The following PITPNC1 variants were observed in gnomAD, a reference collection of about 807,000 sequenced individuals.
PITPNC1 encodes cytoplasmic phosphatidylinositol transfer protein 1.
Under a neutral mutation model 44.7 loss-of-function variants are expected in PITPNC1, and 18 were observed. That is an observed-to-expected ratio of 0.40 (90% CI 0.28 to 0.60). PITPNC1 has a LOEUF of 0.60. Among genes scored for constraint, PITPNC1 ranks in the 20% least tolerant of loss-of-function variants. PITPNC1 has a pLI of 0.39. For missense variants in PITPNC1, 290 were observed against 418.4 expected (o/e 0.69, Z 2.68); for synonymous variants, 141 against 149.6 (o/e 0.94, Z 0.42).
intron 1 of PITPNC1, among the ~76,000 whole-genome samples, chr17:67,474,923 G>A (rs1240461026): frequency 6.6e-6 from 1 of 152,114 alleles, no homozygotes; most frequent in Non-Finnish European, 1.5e-5. Context: ...CAAAGTGTTG[G>A]GATTATAGGC....
At position 67,668,407 on chromosome 17, in the gene PITPNC1, C is replaced by T. The variant is rs552483036; in HGVS notation, c.463-1101C>T. On this transcript the variant is annotated intron_variant, in intron 6 of 8. Transcript: ENST00000581322. ...TGCTTATGAACATTTGGACTGTTTC[C>T]AGTTTTTGCCTCCTGTATTTAAAGC... Among the ~76,000 whole-genome samples the T allele has an allele frequency of 3.3e-5, 5 of 152,228 alleles. No homozygotes were observed. In the East Asian group the frequency reaches 9.6e-4, roughly 29 times the overall value.
intron 1 of PITPNC1, chr17:67,379,111 C>T (rs2037917981): frequency 4.1e-6 from 4 of 985,898 alleles, no homozygotes; most frequent in Non-Finnish European, 4.8e-6. Context: ...GTGGTGATTC[C>T]ACGACTGCTG....
intron 1 of PITPNC1, among the ~76,000 whole-genome samples, chr17:67,505,881 T>C (rs1419981040): frequency 1.3e-5 from 2 of 152,208 alleles, no homozygotes; most frequent in Non-Finnish European, 2.9e-5. Flanking sequence ...GGAGTAACTC[T>C]CTTTTCCCTC....
chr17:67,461,111 T>A (rs2039331820), intron 1 of PITPNC1, among the ~76,000 whole-genome samples: 1 of 152,144 alleles, frequency 6.6e-6, no homozygotes, highest in Admixed American at 6.5e-5. Flanking sequence ...CTCCTTTCTT[T>A]TCTCTCCATC....
In PITPNC1 at chr17:67,693,106, G is replaced by A. The variant is rs2042959180; in HGVS notation, c.*218G>A. On this transcript the variant is annotated 3_prime_UTR_variant, in exon 9 of 9. Transcript: ENST00000581322. ...TAAGATGTAAGACTTGCAAAGGACA[G>A]AAGGAATCTTCTGTAACCACATAGC... 2 of 519,262 alleles carry A rather than the reference G, an allele frequency of 3.9e-6. No individual in the cohort carries two copies. Among genetic ancestry groups the A allele is most frequent in the Admixed American group, 3.6e-5 (1 of 27,444 alleles). The allele number at this position is 519,262 out of a possible 1,614,324, so 32.2% of individuals were successfully genotyped here.
chr17:67,550,720 G>A (rs2040749397), intron 2 of PITPNC1, among the ~76,000 whole-genome samples: 1 of 152,042 alleles, frequency 6.6e-6, no homozygotes, highest in Non-Finnish European at 1.5e-5. Context: ...AGTAGCAAAT[G>A]GTAGCCTCTG....
intron 5 of PITPNC1, among the ~76,000 whole-genome samples, chr17:67,610,919 CAAAAAA>C (rs35933545): frequency 1.2e-5 from 1 of 81,360 alleles, no homozygotes; most frequent in African/African-American, 4.5e-5. Context: ...GACTCTGTCT[CAAAAAA>C]AAAAAAAAAA....
chr17:67,533,292 C>T (rs559107191), intron 2 of PITPNC1, among the ~76,000 whole-genome samples: 5 of 152,184 alleles, frequency 3.3e-5, no homozygotes, highest in Non-Finnish European at 5.9e-5. Flanking sequence ...ATAAAATAAA[C>T]GAAATGAATC....
At chr17:67,463,840 G>A (rs2143981055) in intron 1 of PITPNC1, among the ~76,000 whole-genome samples, 1 of 152,104 alleles carries the variant, frequency 6.6e-6, no homozygotes, top group East Asian at 1.9e-4. Context: ...CCGAAAGGCA[G>A]AGCTTGCAGC....
At chr17:67,381,622 G>A (rs1166041469) in intron 1 of PITPNC1, among the ~76,000 whole-genome samples, 9 of 151,784 alleles carry the variant, frequency 5.9e-5, no homozygotes, top group East Asian at 5.9e-4. Context: ...GCCAGCCACC[G>A]CACCCTGCTA....
chr17:67,410,518 G>A (rs2038479260), intron 1 of PITPNC1, among the ~76,000 whole-genome samples: 1 of 151,884 alleles, frequency 6.6e-6, no homozygotes, highest in Non-Finnish European at 1.5e-5. Context: ...TGAGTAGCTG[G>A]GACCACGGGT....
intron 5 of PITPNC1, among the ~76,000 whole-genome samples, chr17:67,630,344 A>T (rs1314029914): frequency 6.6e-6 from 1 of 152,128 alleles, no homozygotes; most frequent in Admixed American, 6.5e-5. Flanking sequence ...TTGGCCGGGC[A>T]TGGTGGCTCA....
intron 6 of PITPNC1, among the ~76,000 whole-genome samples, chr17:67,668,069 G>A (rs1207492512): frequency 1.3e-5 from 2 of 152,122 alleles, no homozygotes; most frequent in Admixed American, 6.5e-5. Flanking sequence ...AAAACTCAGT[G>A]AATGTGTACA....
At chr17:67,523,533 G>A (rs1264546808) in intron 1 of PITPNC1, among the ~76,000 whole-genome samples, 1 of 151,494 alleles carries the variant, frequency 6.6e-6, no homozygotes, top group African/African-American at 2.4e-5. Context: ...CATGTCTTGC[G>A]AGGTATTCTA....
At chr17:67,395,170 C>CTTT (rs902427835) in intron 1 of PITPNC1, among the ~76,000 whole-genome samples, 2 of 140,978 alleles carry the variant, frequency 1.4e-5, no homozygotes, top group African/African-American at 5.1e-5. Context: ...CAGGTTTTTT[C>CTTT]TTTTTTTTTT....
chr17:67,386,660 A>G (rs1050664441), intron 1 of PITPNC1, among the ~76,000 whole-genome samples: 6 of 152,236 alleles, frequency 3.9e-5, no homozygotes, highest in Non-Finnish European at 4.4e-5. Flanking sequence ...AGCAGTAATT[A>G]CTGGAAAAGT....
intron 1 of PITPNC1, among the ~76,000 whole-genome samples, chr17:67,462,189 T>C (rs1429145456): frequency 2.6e-5 from 4 of 151,426 alleles, no homozygotes; most frequent in African/African-American, 9.7e-5. Flanking sequence ...ACACCTTTTT[T>C]TTTTTCTTTT....
intron 4 of PITPNC1, among the ~76,000 whole-genome samples, chr17:67,566,095 G>T (rs551037071): frequency 2.0e-5 from 3 of 151,886 alleles, no homozygotes; most frequent in Admixed American, 6.5e-5. Context: ...ACTTTGACTT[G>T]TTTCCAAGTT....
In PITPNC1 at chr17:67,669,676, A is replaced by G. The variant is rs1436985067; in HGVS notation, c.618+13A>G. ...ATTTGTACACAAGGTAAGTGGTCCA[A>G]CAGCAGTTCCTGGGCTGTGGACAAG... is the stretch of plus-strand genomic sequence containing the variant. On this transcript the variant is annotated intron_variant, in intron 7 of 8. Transcript: ENST00000581322. The G allele has an allele frequency of 2.5e-6, 4 of 1,573,130 alleles. No homozygotes were observed. The highest frequency in any genetic ancestry group is 4.6e-5 in the East Asian group (2 of 43,354).
Sources: allele counts gnomAD v4.1 joint callset (sites outside exome capture counted in the v4.1 genomes callset), GRCh38; gene constraint gnomAD v4.1.1; transcripts MANE v1.5; gene names NCBI Gene and HGNC (gene_info 2026-07-23, HGNC 2026-07-21).